PLEKHG1: variants seen among roughly 807,000 people sequenced by gnomAD.
PLEKHG1 encodes the protein pleckstrin homology domain-containing family G member 1.
In PLEKHG1, 44 loss-of-function variants were observed where a neutral mutation model predicts 100.8. That is an observed-to-expected ratio of 0.44 (90% CI 0.34 to 0.56). PLEKHG1 has a LOEUF of 0.56. Ranked by LOEUF, PLEKHG1 falls within the 20% of genes least tolerant of loss-of-function variation. The probability of loss-of-function intolerance (pLI) is 0.01; values close to 1 mark genes in which losing one functional copy is unlikely to be tolerated. For synonymous variants in PLEKHG1, 640 were observed against 662.5 expected, an observed-to-expected ratio of 0.97 and a Z score of 0.52; for missense variants, 1,545 against 1,720.9, an observed-to-expected ratio of 0.90 and a Z score of 1.81.
intron 1 of PLEKHG1, among the ~76,000 whole-genome samples, chr6:150,602,905 C>G (rs1210227494): frequency 6.6e-6 from 1 of 151,618 alleles, no homozygotes; most frequent in Non-Finnish European, 1.5e-5. Context: ...CACGGTGAAA[C>G]CCCGTCTCTA....
intron 3 of PLEKHG1, among the ~76,000 whole-genome samples, chr6:150,682,784 C>T (rs1779979938): frequency 6.6e-6 from 1 of 152,172 alleles, no homozygotes; most frequent in South Asian, 2.1e-4. Context: ...CAGATCATGC[C>T]TGCCCAGTTT....
At position 150,800,679 on chromosome 6, in the gene PLEKHG1, A is replaced by T. The variant is rs374335014; in HGVS notation, c.630-40A>T. 25 of 1,593,222 alleles carry T rather than the reference A, an allele frequency of 1.6e-5. No individual in the cohort carries two copies. The African/African-American group carries it at 3.4e-4, about 21-fold the overall frequency. On this transcript the variant is annotated intron_variant, in intron 5 of 15. Transcript: ENST00000358517. Reference sequence around the variant, plus strand: ...ATTTAAAATTTGAATACCCACATAAAGCATTACAATTTAGATAAAAACATG... The same window carrying T: ...ATTTAAAATTTGAATACCCACATAATGCATTACAATTTAGATAAAAACATG...
At chr6:150,653,747 C>CA (rs905909374) in intron 3 of PLEKHG1, among the ~76,000 whole-genome samples, 25 of 142,386 alleles carry the variant, frequency 1.8e-4, no homozygotes, top group East Asian at 4.0e-4. Context: ...GACCCTATCG[C>CA]AAAAAAAAAA....
chr6:150,795,277 C>A (rs991546111), intron 4 of PLEKHG1, among the ~76,000 whole-genome samples: 5 of 151,992 alleles, frequency 3.3e-5, no homozygotes, highest in African/African-American at 1.2e-4. Flanking sequence ...GTAATCCCAG[C>A]TACTCAGCAG....
chr6:150,804,803 A>C, intron 7 of PLEKHG1, 62 bp downstream of exon 8: 1 of 1,535,290 alleles, frequency 6.5e-7, no homozygotes. Context: ...CTGTTTTCCC[A>C]ATAAAATATT....
At chr6:150,749,004 T>C (rs1338252506) in intron 2 of PLEKHG1, among the ~76,000 whole-genome samples, 3 of 152,148 alleles carry the variant, frequency 2.0e-5, no homozygotes, top group African/African-American at 7.2e-5. Flanking sequence ...CCTTTTAAAA[T>C]GGTATGAGGA....
chr6:150,651,773 C>G (rs918745531), intron 3 of PLEKHG1: 8 of 152,114 alleles, frequency 5.3e-5, no homozygotes, highest in Admixed American at 5.2e-4. Context: ...GCAGGAGAAT[C>G]ACTTGAAGCA....
chr6:150,701,604 C>T (rs551622435), intron 3 of PLEKHG1, among the ~76,000 whole-genome samples: 14 of 127,826 alleles, frequency 1.1e-4, no homozygotes, highest in African/African-American at 3.3e-4. Context: ...TCCCTCCCCC[C>T]TCCCCTCACC....
chr6:150,650,843 C>A (rs1031862740), intron 3 of PLEKHG1, 57 bp downstream of exon 2: 1 of 152,064 alleles, frequency 6.6e-6, no homozygotes. Flanking sequence ...AAAAGCTGAA[C>A]GTATTCATAA....
chr6:150,642,191 GC>G (rs1468804948), intron 2 of PLEKHG1, among the ~76,000 whole-genome samples: 7 of 152,158 alleles, frequency 4.6e-5, no homozygotes. Context: ...ACCACAGCCA[GC>G]TGAATTCTGT....
At chr6:150,665,344 T>C (rs1162612589) in intron 3 of PLEKHG1, among the ~76,000 whole-genome samples, 1 of 152,184 alleles carries the variant, frequency 6.6e-6, no homozygotes, top group Admixed American at 6.5e-5. Flanking sequence ...AATGATTTGA[T>C]TTAATAATGA....
chr6:150,690,043 A>G (rs1780289413), intron 3 of PLEKHG1, among the ~76,000 whole-genome samples: 1 of 152,150 alleles, frequency 6.6e-6, no homozygotes, highest in African/African-American at 2.4e-5. Context: ...TTACTGTACC[A>G]TGTCAGAAGT....
At chr6:150,701,292 CTTGG>C (rs1304678440) in intron 3 of PLEKHG1, among the ~76,000 whole-genome samples, 1 of 145,446 alleles carries the variant, frequency 6.9e-6, no homozygotes, top group African/African-American at 2.5e-5. Flanking sequence ...TGTGCTCCAG[CTTGG>C]GTAACAGAGT....
Position 150,831,450 on chromosome 6 carries a change from G to A in PLEKHG1, c.2339G>A (p.Ser780Asn). The change falls in exon 15 of 16, where the codon AGC (serine) becomes AAC (asparagine). Residue 780 changes from serine (S) to asparagine (N), a missense_variant. Coordinates refer to ENST00000358517, the Ensembl canonical transcript of PLEKHG1. The surrounding 1 kb of genome is among the most constrained non-coding windows in gnomAD (Gnocchi z 4.1). ...GAGGCCGACTTCGTGTGCTGTGACA[G>A]CCTGAGGCCATTTGTTTCCCAAGAC... is the stretch of plus-strand genomic sequence containing the variant. 1 of 1,614,168 alleles carries A rather than the reference G, an allele frequency of 6.2e-7. No individual in the cohort carries two copies. The highest frequency in any genetic ancestry group is 8.5e-7 in the Non-Finnish European group (1 of 1,180,030).
chr6:150,756,546 G>A (rs1170942809), intron 2 of PLEKHG1, among the ~76,000 whole-genome samples: 2 of 152,138 alleles, frequency 1.3e-5, no homozygotes, highest in African/African-American at 4.8e-5. Context: ...CGGTCCTTGT[G>A]TAGATTCTTT....
chr6:150,713,667 C>T (rs549274955), intron 3 of PLEKHG1, among the ~76,000 whole-genome samples: 25 of 152,286 alleles, frequency 1.6e-4, no homozygotes, highest in Middle Eastern at 3.4e-3. Flanking sequence ...CCAGAAGCTT[C>T]TCTGTGTCTC....
At chr6:150,785,046 AAGAG>A (rs386408934) in intron 3 of PLEKHG1, among the ~76,000 whole-genome samples, 5 of 151,760 alleles carry the variant, frequency 3.3e-5, no homozygotes, top group South Asian at 4.2e-4. Flanking sequence ...AAAAAAAAAA[AAGAG>A]AGAGAGAGAC....
intron 15 of PLEKHG1, among the ~76,000 whole-genome samples, chr6:150,838,099 T>A (rs1310892008): frequency 6.6e-6 from 1 of 152,126 alleles, no homozygotes; most frequent in African/African-American, 2.4e-5. Context: ...TCAAAAGAAA[T>A]GACAAAACTC....
intron 3 of PLEKHG1, among the ~76,000 whole-genome samples, chr6:150,772,629 T>C (rs1190027602): frequency 6.6e-6 from 1 of 152,140 alleles, no homozygotes; most frequent in Non-Finnish European, 1.5e-5. Flanking sequence ...AAAAAATAAG[T>C]CATATGCTTT....
Sources: gnomAD v4.1 joint callset for allele counts (sites outside exome capture counted in the v4.1 genomes callset) on GRCh38, gnomAD v4.1.1 for gene constraint, Gnocchi (gnomAD v3.1) non-coding constraint, MANE v1.5 for transcripts, NCBI Gene and HGNC (gene_info 2026-07-23, HGNC 2026-07-21) for gene names.